Variants in ZNF177 observed in about 807,000 individuals in gnomAD.
ZNF177 encodes zinc finger protein 177.
A neutral mutation model predicts 19.4 loss-of-function variants in ZNF177; 17 were observed. That is an observed-to-expected ratio of 0.87 (90% CI 0.60 to 1.31). ZNF177 has a LOEUF of 1.31. ZNF177 is among the 40% of genes most tolerant of loss of function. The pLI is 0.00. For missense variants in ZNF177, 633 were observed against 561.8 expected, an observed-to-expected ratio of 1.13 and a Z score of -1.28; for synonymous variants, 220 against 188.7, an observed-to-expected ratio of 1.17 and a Z score of -1.36.
intron 1 of ZNF177, 104 bp from the exon 4 acceptor site, chr19:9,378,155 T>C: frequency 9.7e-7 from 1 of 1,026,044 alleles, no homozygotes; most frequent in Non-Finnish European, 1.4e-6. Flanking sequence ...GTAACTACAC[T>C]CTATGTGTAT....
upstream of ZNF177, among the ~76,000 whole-genome samples, chr19:9,375,338 T>C (rs1210151468): frequency 6.6e-6 from 1 of 152,180 alleles, no homozygotes; most frequent in African/African-American, 2.4e-5. Context: ...ATCAGTGTAA[T>C]GCTGACCTCA....
exon 6 of ZNF177, chr19:9,381,395 T>C (rs150032661): frequency 3.1e-6 from 5 of 1,613,880 alleles, no homozygotes; most frequent in Non-Finnish European, 4.2e-6. Context: ...CCTTCATCCC[T>C]TCAGAAACAT....
chr19:9,363,162 A>G (rs1445673789), intron 1 of ZNF177, 78 bp downstream of exon 1: 2 of 152,326 alleles, frequency 1.3e-5, no homozygotes, highest in East Asian at 1.9e-4. Context: ...GCTGCTCCAG[A>G]CCTTGCCTGC....
intron 1 of ZNF177, among the ~76,000 whole-genome samples, chr19:9,377,951 A>G (rs938881745): frequency 1.1e-4 from 16 of 152,194 alleles, no homozygotes; most frequent in African/African-American, 3.6e-4. Context: ...TTCTCCAGTG[A>G]GTCCTGGTTT....
chr19:9,380,061 GGA>G lies in ZNF177; in HGVS notation c.259_260del (p.Glu87AsnfsTer4). 1.2e-6 allele frequency: 2 copies of G among 1,609,514 alleles called. No homozygotes were observed. The highest frequency in any genetic ancestry group is 4.5e-5 in the East Asian group (2 of 44,750). On this transcript the variant is annotated frameshift_variant, in exon 5 of 6. Transcript: ENST00000589262. LOFTEE classifies it high-confidence loss of function. ...AAAATTCCTGTGCTATTTCAGACTG[GGA>G]AACTCAACTTAAACCAAAAGATACA...
chr19:9,375,029 G>A (rs1335949056), upstream of ZNF177, among the ~76,000 whole-genome samples: 1 of 152,106 alleles, frequency 6.6e-6, no homozygotes, highest in Non-Finnish European at 1.5e-5. Flanking sequence ...TAACTAATTC[G>A]TTGAGGGTTT....
Position 9,378,998 on chromosome 19 carries a change from T to G in ZNF177, c.70T>G (p.Ser24Ala), listed in dbSNP as rs555572682. ...CTTCCAGGAAGTGGCAGTGGACTTTTCCCAGGAGGAGTGGGCATTGCTGGA... is the reference window on the plus strand; with the variant it reads ...CTTCCAGGAAGTGGCAGTGGACTTTGCCCAGGAGGAGTGGGCATTGCTGGA... The change falls in exon 3 of 6, where the codon TCC (serine) becomes GCC (alanine). Residue 24 changes from serine to alanine, a missense_variant. Ser to Ala is a moderately conservative substitution (Grantham distance 99). Coordinates refer to ENST00000589262, the Ensembl canonical transcript of ZNF177. 9.0e-5 allele frequency: 145 copies of G among 1,610,058 alleles called. 1 individual carries two copies. The South Asian group carries it at 1.5e-3, about 16-fold the overall frequency.
In ZNF177 at chr19:9,366,895, T is replaced by C. The variant is rs189196884; in HGVS notation, c.-305+1947T>C. 2.4e-3 allele frequency among the ~76,000 whole-genome samples: 362 copies of C among 152,346 alleles called. 5 individuals carry two copies. Among genetic ancestry groups the C allele is most frequent in the Admixed American group, 0.017 (264 of 15,296 alleles). The stretch of plus-strand genomic sequence containing the variant: ...ACTCACCTTAATGTGTGAAGTGGTA[T>C]CTTAATGTGGTTTTGATTTGCATTT... On this transcript the variant is annotated intron_variant, in intron 2 of 8. Coordinates refer to the ZNF177 transcript ENST00000343499.
intron 5 of ZNF177, 75 bp from the exon 8 acceptor site, chr19:9,380,593 C>A: frequency 6.5e-7 from 1 of 1,535,716 alleles, no homozygotes; most frequent in Non-Finnish European, 8.7e-7. Flanking sequence ...TGGCAGAATC[C>A]TCATGGAAGA....
intron 4 of ZNF177, 30 bp from the exon 7 acceptor site, chr19:9,380,027 A>G (rs1450439774): frequency 6.3e-7 from 1 of 1,599,792 alleles, no homozygotes; most frequent in Non-Finnish European, 8.5e-7. Context: ...TTTTCTCCCA[A>G]TAATTATAAA....
chr19:9,379,502 A>G, intron 3 of ZNF177, 25 bp from the exon 6 acceptor site: 1 of 1,606,946 alleles, frequency 6.2e-7, no homozygotes, highest in East Asian at 2.2e-5. Context: ...CATTTCTCCC[A>G]CATCCTTGCT....
At chr19:9,378,687 A>G in intron 2 of ZNF177, 1 of 542,974 alleles carries the variant, frequency 1.8e-6, no homozygotes, top group Non-Finnish European at 3.1e-6. Context: ...AGACGAAAAG[A>G]GTCCTCACAA....
chr19:9,380,196 T>C, intron 5 of ZNF177, 57 bp downstream of exon 7: 1 of 1,546,312 alleles, frequency 6.5e-7, no homozygotes, highest in East Asian at 2.3e-5. Flanking sequence ...GGAATCTGAA[T>C]GAGTTAAAAC....
chr19:9,369,551 C>A (rs1053816365), intron 2 of ZNF177, among the ~76,000 whole-genome samples: 4 of 152,096 alleles, frequency 2.6e-5, no homozygotes, highest in African/African-American at 7.2e-5. Flanking sequence ...CCAGGACAGT[C>A]TGTTTTTAAA....
At chr19:9,371,794 A>G (rs1030585462), upstream of ZNF177, 1 of 152,220 alleles carries the variant, frequency 6.6e-6, no homozygotes, top group African/African-American at 2.4e-5. Context: ...CTAGGTTTTC[A>G]TCTAATAGTG....
chr19:9,378,625 C>T (rs181707718), intron 2 of ZNF177: 1 of 583,624 alleles, frequency 1.7e-6, no homozygotes, highest in East Asian at 3.1e-5. Flanking sequence ...TATCATTTCT[C>T]AAGTATTTCT....
At chr19:9,375,562 A>G (rs952484640), upstream of ZNF177, among the ~76,000 whole-genome samples, 62 of 152,052 alleles carry the variant, frequency 4.1e-4, no homozygotes, top group African/African-American at 1.4e-3. Context: ...TTAGCAGGTT[A>G]TATATTTCTA....
upstream of ZNF177, among the ~76,000 whole-genome samples, chr19:9,375,123 TTGATG>T (rs765839556): frequency 2.6e-4 from 39 of 152,200 alleles, no homozygotes; most frequent in Non-Finnish European, 3.5e-4. Context: ...CTTCATTCTG[TTGATG>T]TGATGTATCA....
At chr19:9,380,274 T>G (rs558718942) in intron 5 of ZNF177, 135 bp downstream of exon 7, 345 of 1,139,120 alleles carry the variant, frequency 3.0e-4, no homozygotes, top group Non-Finnish European at 3.9e-4. Context: ...CTCGGGAGAG[T>G]TTGGAGTTTG....
Sources: allele counts gnomAD v4.1 joint callset (sites outside exome capture counted in the v4.1 genomes callset), GRCh38; gene constraint gnomAD v4.1.1; transcripts MANE v1.5; gene names NCBI Gene and HGNC (gene_info 2026-07-23, HGNC 2026-07-21).